The following GATA5 variants were observed in gnomAD, a reference collection of about 807,000 sequenced individuals.
The protein encoded by GATA5 is transcription factor GATA-5.
Under a neutral mutation model 35.0 loss-of-function variants are expected in GATA5, and 27 were observed. The observed-to-expected ratio is 0.77, with a 90% CI of 0.57 to 1.06. The LOEUF is 1.06. Ranked by LOEUF, GATA5 falls within the 50% of genes least tolerant of loss-of-function variation. The pLI is 0.00. For missense variants in GATA5, 612 were observed against 580.0 expected, an observed-to-expected ratio of 1.06 and a Z score of -0.57; for synonymous variants, 306 against 267.8, an observed-to-expected ratio of 1.14 and a Z score of -1.39.
Position 62,473,558 on chromosome 20 carries a change from A to G in GATA5, c.544T>C (p.Phe182Leu). 1 of 1,599,444 alleles carries G rather than the reference A, an allele frequency of 6.3e-7. No homozygotes were observed. ...PTFVSDFLEEFPGEGRECVNC... is the reference protein window; with the variant it reads ...PTFVSDFLEELPGEGRECVNC... Reference sequence around the variant, plus strand: ...ACACACTCACGACCCTCACCCGGGAACTCCTCCAAGAAGTCGGACACTGAG... The same window carrying G: ...ACACACTCACGACCCTCACCCGGGAGCTCCTCCAAGAAGTCGGACACTGAG... The change falls in exon 3 of 7, where the codon TTC becomes CTC. Residue 182 changes from phenylalanine to leucine, a missense_variant. Coordinates refer to ENST00000252997, the MANE Select transcript of GATA5 (RefSeq NM_080473.5).
intron 3 of GATA5, among the ~76,000 whole-genome samples, chr20:62,472,015 G>C (rs1555896623): frequency 1.3e-5 from 2 of 151,824 alleles, no homozygotes; most frequent in East Asian, 1.9e-4. Flanking sequence ...CAAAATTCTG[G>C]GACTATAGGT....
At chr20:62,469,399 C>T (rs925458231) in intron 3 of GATA5, among the ~76,000 whole-genome samples, 18 of 152,228 alleles carry the variant, frequency 1.2e-4, no homozygotes, top group South Asian at 2.1e-4. Context: ...GGCCCAAGGC[C>T]CATCCTCTTC....
In GATA5 at chr20:62,465,915, G is replaced by A. The variant is rs1200726928; in HGVS notation, c.832C>T (p.Arg278Trp). 4.4e-6 allele frequency: 7 copies of A among 1,588,146 alleles called. No homozygotes were observed. The highest frequency in any genetic ancestry group is 1.3e-5 in the African/African-American group (1 of 74,440). ...GLYMKLHGVPRPLAMKKESIQ... is the reference protein window; with the variant it reads ...GLYMKLHGVPWPLAMKKESIQ... ...CTTTCCTTCTTCATAGCCAGAGGCC[G>A]CGGCACCTGGCAGGGGTGGCGAGGG... is the stretch of plus-strand genomic sequence containing the variant. Residue 278 changes from arginine (R) to tryptophan (W), a missense_variant, in exon 5 of 7, where the codon CGG (arginine) becomes TGG (tryptophan). Transcript: ENST00000252997.
intron 5 of GATA5, 26 bp downstream of exon 5, chr20:62,465,808 G>A (rs1294998054): frequency 1.6e-5 from 25 of 1,537,116 alleles, no homozygotes; most frequent in Non-Finnish European, 2.1e-5. Context: ...CAGGAGCGGG[G>A]CTGACTGCAG....
rs797035364 is a variant in GATA5 at position 62,464,573 on chromosome 20, G to A, written c.*263C>T. ...CCGCCGCAGGGGGCCAGTGTGGTCC[G>A]GAGCCTTGGGCCGCACCTGGGGAGT... is the stretch of plus-strand genomic sequence containing the variant. On this transcript the variant is annotated 3_prime_UTR_variant, in exon 7 of 7. Coordinates refer to ENST00000252997, the MANE Select transcript of GATA5 (RefSeq NM_080473.5). The A allele has an allele frequency of 2.8e-5, 10 of 361,450 alleles. No individual in the cohort carries two copies. The highest frequency in any genetic ancestry group is 8.6e-5 in the South Asian group (1 of 11,596). The allele number at this position is 361,450 out of a possible 1,614,324, so 22.4% of individuals were successfully genotyped here. A position where few individuals can be genotyped will look rare whatever the true frequency, so the allele number is the denominator to read the frequency against.
chr20:62,467,608 C>T (rs1989623547), intron 3 of GATA5, among the ~76,000 whole-genome samples: 1 of 152,230 alleles, frequency 6.6e-6, no homozygotes, highest in Non-Finnish European at 1.5e-5. Flanking sequence ...TGGTCCAGGT[C>T]CCCGGCCTCT....
chr20:62,465,251 G>T, intron 6 of GATA5, 89 bp downstream of exon 6: 1 of 1,361,604 alleles, frequency 7.3e-7, no homozygotes. Flanking sequence ...TGCTGGAAGA[G>T]GCTCCGAGGG....
In GATA5 at chr20:62,470,886, C is replaced by A. The variant is rs1054779065; in HGVS notation, c.699+2517G>T. The stretch of plus-strand genomic sequence containing the variant: ...ATGGACAGTAAACAGGGTCCTCCCC[C>A]AGGAGGCACCCCAAAGCCCACCCTG... On this transcript the variant is annotated intron_variant, in intron 3 of 6. Transcript: ENST00000252997. The surrounding 1 kb of genome is among the most constrained non-coding windows in gnomAD (Gnocchi z 4.6). 6.6e-6 allele frequency among the ~76,000 whole-genome samples: 1 copy of A among 152,298 alleles called. No individual in the cohort carries two copies. The highest frequency in any genetic ancestry group is 2.4e-5 in the African/African-American group (1 of 41,566).
In GATA5 at chr20:62,464,699, G is replaced by T; in HGVS notation, c.*137C>A. The T allele has an allele frequency of 1.3e-6, 1 of 764,014 alleles. No individual in the cohort carries two copies. The highest frequency in any genetic ancestry group is 2.0e-6 in the Non-Finnish European group (1 of 490,060). 47.3% of individuals were successfully genotyped at this position (764,014 alleles called of 1,614,324 possible). ...GTCCAGAAGGCCTCCCCACCACTGT[G>T]TGGAGACTCCAGCAGACCCAGTCTC... On this transcript the variant is annotated 3_prime_UTR_variant, in exon 7 of 7. Transcript: ENST00000252997.
intron 3 of GATA5, among the ~76,000 whole-genome samples, chr20:62,471,281 G>C (rs1179308673): frequency 6.6e-6 from 1 of 152,000 alleles, no homozygotes; most frequent in Non-Finnish European, 1.5e-5. Flanking sequence ...CCAGAGGAGG[G>C]GCAGCCCTTT....
rs1555896964 is a variant in GATA5 at position 62,475,027 on chromosome 20, G to A, written c.495C>T (p.His165=). The A allele has an allele frequency of 2.9e-6, 4 of 1,389,144 alleles. No individual in the cohort carries two copies. Among genetic ancestry groups the A allele is most frequent in the South Asian group, 1.6e-5 (1 of 63,634 alleles). 86.1% of individuals were successfully genotyped at this position (1,389,144 alleles called of 1,614,324 possible). A position where few individuals can be genotyped will look rare whatever the true frequency, so the allele number is the denominator to read the frequency against. The change falls in exon 2 of 7, where the codon CAC becomes CAT. Residue 165 remains histidine (H), a synonymous_variant. Coordinates refer to ENST00000252997, the MANE Select transcript of GATA5 (RefSeq NM_080473.5). ...TAGPFDGSVL[H]GLPGRRPTFV... is the part of the protein sequence containing the mutation. ...AGGTGGGCCTGCGGCCTGGGAGGCC[G>A]TGCAGGACGCTGCCATCGAAGGGCC...
Position 62,463,724 on chromosome 20 carries a change from CTT to C in GATA5, c.*1110_*1111del. The C allele has an allele frequency of 7.3e-6, 1 of 137,602 alleles. No homozygotes were observed. The highest frequency in any genetic ancestry group is 7.1e-5 in the Admixed American group (1 of 14,086). 8.5% of individuals were successfully genotyped at this position (137,602 alleles called of 1,614,324 possible). A position where few individuals can be genotyped will look rare whatever the true frequency, so the allele number is the denominator to read the frequency against. ...AATATTTTTGAATCAAATTGGAAGA[CTT>C]AAAATCCAGGTTTCTGGCATTGCTG... is the stretch of plus-strand genomic sequence containing the variant. On this transcript the variant is annotated 3_prime_UTR_variant, in exon 7 of 7. Transcript: ENST00000252997.
chr20:62,468,799 G>C (rs1367404437), intron 3 of GATA5, among the ~76,000 whole-genome samples: 1 of 152,242 alleles, frequency 6.6e-6, no homozygotes, highest in South Asian at 2.1e-4. Context: ...TTCTGCTCAC[G>C]CTGGAGGGCC....
rs41284978 is a variant in GATA5, at chr20:62,464,252, G to T, written c.*584C>A. On this transcript the variant is annotated 3_prime_UTR_variant, in exon 7 of 7. Transcript: ENST00000252997. The stretch of plus-strand genomic sequence containing the variant: ...CCTCGGCGGAATCCTGGCACCGTGC[G>T]CGGCCCGCACTCCGATCCCTGGCAG... The T allele has an allele frequency of 6.6e-6, 1 of 152,116 alleles. No homozygotes were observed. The highest frequency in any genetic ancestry group is 1.5e-5 in the Non-Finnish European group (1 of 67,946). 9.4% of individuals were successfully genotyped at this position (152,116 alleles called of 1,614,324 possible).
At chr20:62,474,916 G>A in intron 2 of GATA5, 83 bp downstream of exon 2, 2 of 1,160,520 alleles carry the variant, frequency 1.7e-6, no homozygotes, top group Non-Finnish European at 2.2e-6. Context: ...GGGGGAGGAT[G>A]AGGGGAGCGT....
rs13041686 is a variant in GATA5 at position 62,474,775 on chromosome 20, T to C, written c.523+224A>G. Among the ~76,000 whole-genome samples, 34,993 of 152,270 alleles carry C rather than the reference T, an allele frequency of 0.23. 4,250 individuals are homozygous for C. The highest frequency in any genetic ancestry group is 0.3 in the African/African-American group (12,631 of 41,536). On this transcript the variant is annotated intron_variant, in intron 2 of 6. Coordinates refer to ENST00000252997, the MANE Select transcript of GATA5 (RefSeq NM_080473.5). ...CACAATCCGGAATGCTGTTTGGAAATAGATGTTCCTTCTCATTAACAGGTT... is the reference window on the plus strand; with the variant it reads ...CACAATCCGGAATGCTGTTTGGAAACAGATGTTCCTTCTCATTAACAGGTT...
At chr20:62,465,067 A>C in intron 6 of GATA5, 76 bp from the exon 7 acceptor site, 1 of 1,102,820 alleles carries the variant, frequency 9.1e-7, no homozygotes. Flanking sequence ...GCAGCCTCTT[A>C]GGTCAGGAGC....
At position 62,473,525 on chromosome 20, in the gene GATA5, C is replaced by T. The variant is rs782105775; in HGVS notation, c.577G>A (p.Gly193Arg). The T allele has an allele frequency of 1.4e-5, 22 of 1,607,476 alleles. No individual in the cohort carries two copies. The highest frequency in any genetic ancestry group is 5.6e-5 in the South Asian group (5 of 90,090). The change falls in exon 3 of 7, where the codon GGG becomes AGG. Residue 193 changes from glycine (G) to arginine (R), a missense_variant. By Grantham distance (125) the Gly-to-Arg change is moderately radical. Transcript: ENST00000252997. ...CGCCACAGCGGTGTGGACAGGGCCC[C>T]GCAGTTGACACACTCACGACCCTCA... ...PGEGRECVNC[G>R]ALSTPLWRRD...
rs782549719 is a variant in GATA5, at chr20:62,465,307, C to T, written c.1038+33G>A. The T allele has an allele frequency of 3.2e-6, 5 of 1,569,432 alleles. No homozygotes were observed. The East Asian group carries it at 9.0e-5, about 28-fold the overall frequency. On this transcript the variant is annotated intron_variant, in intron 6 of 6. Coordinates refer to ENST00000252997, the MANE Select transcript of GATA5 (RefSeq NM_080473.5). ...GGCGGAGGAAGCACAGGGGCCCCAGCTCTGGGCACCCCACCCCAGCCCACC... is the reference window on the plus strand; with the variant it reads ...GGCGGAGGAAGCACAGGGGCCCCAGTTCTGGGCACCCCACCCCAGCCCACC...
Sources: gnomAD v4.1 joint callset for allele counts (sites outside exome capture counted in the v4.1 genomes callset) on GRCh38, gnomAD v4.1.1 for gene constraint, Gnocchi (gnomAD v3.1) non-coding constraint, MANE v1.5 for transcripts, NCBI Gene and HGNC (gene_info 2026-07-23, HGNC 2026-07-21) for gene names.